PCDHGA5: variants seen among roughly 807,000 people sequenced by gnomAD.
PCDHGA5 encodes protocadherin gamma-A5.
In PCDHGA5, 36 loss-of-function variants were observed where a neutral mutation model predicts 56.7. That is an observed-to-expected ratio of 0.64 (90% CI 0.49 to 0.84). The LOEUF (loss-of-function observed/expected upper bound fraction) is 0.84, where lower values mean the gene tolerates loss of function less well. Among genes scored for constraint, PCDHGA5 ranks in the 40% least tolerant of loss-of-function variants. The pLI, the probability that PCDHGA5 is intolerant of heterozygous loss-of-function variation, is 0.00. For missense variants in PCDHGA5, 1,305 were observed against 1,201.5 expected (o/e 1.09, Z -1.27); for synonymous variants, 563 against 520.2 (o/e 1.08, Z -1.12).
rs1315121311 is a variant in PCDHGA5, at chr5:141,364,782, G to A, written c.452G>A (p.Arg151Gln). The change falls in exon 1 of 4, where the codon CGG (arginine) becomes CAG (glutamine). Residue 151 changes from arginine (R) to glutamine (Q), a missense_variant. Transcript: ENST00000518069. ...AATGAAAATGCGGCTGCAGGGACAC[G>A]GTTAGTGCTTCCCTTCGCGCGGGAT... ...KVNENAAAGT[R>Q]LVLPFARDAD... 1 of 1,613,884 alleles carries A rather than the reference G, an allele frequency of 6.2e-7. No individual in the cohort carries two copies. The highest frequency in any genetic ancestry group is 1.3e-5 in the African/African-American group (1 of 74,942).
At position 141,477,966 on chromosome 5, in the gene PCDHGA5, G is replaced by T; in HGVS notation, c.2422-16841G>T. 1 of 1,614,118 alleles carries T rather than the reference G, an allele frequency of 6.2e-7. No individual in the cohort carries two copies. The highest frequency in any genetic ancestry group is 8.5e-7 in the Non-Finnish European group (1 of 1,180,036). On this transcript the variant is annotated intron_variant, in intron 1 of 3. Coordinates refer to ENST00000518069, the MANE Select transcript of PCDHGA5 (RefSeq NM_018918.3). This position sits in a 1 kb window ranked among gnomAD's most constrained non-coding sequence, Gnocchi z 4.9. ...AGTCTCTTGGGATCCCCTAACCAGA[G>T]CCTTTTTGCCATAGGGCTGCACACT...
chr5:141,478,783 T>G (rs1435790850), intron 1 of PCDHGA5: 2 of 1,483,968 alleles, frequency 1.3e-6, no homozygotes, highest in Admixed American at 4.6e-5. Flanking sequence ...TGGACCTAAT[T>G]CACATCCTCA....
At position 141,511,393 on chromosome 5, in the gene PCDHGA5, C is replaced by G. The variant is rs1257680621; in HGVS notation, c.*220C>G. The G allele has an allele frequency of 2.8e-6, 3 of 1,067,816 alleles. No individual in the cohort carries two copies. The highest frequency in any genetic ancestry group is 3.9e-6 in the Non-Finnish European group (3 of 764,518). The allele number at this position is 1,067,816 out of a possible 1,614,324, so 66.1% of individuals were successfully genotyped here. A position where few individuals can be genotyped will look rare whatever the true frequency, so the allele number is the denominator to read the frequency against. On this transcript the variant is annotated 3_prime_UTR_variant, in exon 4 of 4. Coordinates refer to ENST00000518069, the MANE Select transcript of PCDHGA5 (RefSeq NM_018918.3). ...CAAAAGCAGTTCCGCTGGGAACCCC[C>G]ATCCAATCAACTGCTGTACCCATGG...
chr5:141,399,349 C>A (rs1467940246), intron 1 of PCDHGA5: 15 of 1,613,814 alleles, frequency 9.3e-6, no homozygotes, highest in African/African-American at 1.3e-5. Flanking sequence ...AACCCTAGAC[C>A]GAGAGCAAAC....
intron 1 of PCDHGA5, among the ~76,000 whole-genome samples, chr5:141,425,257 G>A (rs746250240): frequency 6.6e-6 from 1 of 152,152 alleles, no homozygotes; most frequent in Non-Finnish European, 1.5e-5. Context: ...TGAGGTATTT[G>A]GCTGGGAAAA....
chr5:141,366,265 C>A lies in PCDHGA5; in HGVS notation c.1935C>A (p.Ala645=). 6.2e-7 allele frequency: 1 copy of A among 1,613,684 alleles called. No individual in the cohort carries two copies. The highest frequency in any genetic ancestry group is 8.5e-7 in the Non-Finnish European group (1 of 1,180,018). ...CGCTCAAGCAGAGCCTCGTGGTGGC[C>A]GTCGAAGACCATGGCCAGCCCCCTC... ...RDALKQSLVV[A]VEDHGQPPLS... The change falls in exon 1 of 4, where the codon GCC becomes GCA. Residue 645 remains alanine (A), a synonymous_variant. Coordinates refer to ENST00000518069, the MANE Select transcript of PCDHGA5 (RefSeq NM_018918.3).
intron 1 of PCDHGA5, chr5:141,423,700 G>A (rs753612385): frequency 7.5e-7 from 1 of 1,324,816 alleles, no homozygotes; most frequent in Non-Finnish European, 9.8e-7. Context: ...TTGGTGTCTT[G>A]GCACAAGTCT....
chr5:141,444,524 A>G (rs563709940), intron 1 of PCDHGA5, among the ~76,000 whole-genome samples: 47 of 152,224 alleles, frequency 3.1e-4, no homozygotes, highest in African/African-American at 1.1e-3. Context: ...AGTAGGTGAG[A>G]CAGTGACTGT....
chr5:141,488,711 A>G (rs184498001), intron 1 of PCDHGA5, among the ~76,000 whole-genome samples: 100 of 152,290 alleles, frequency 6.6e-4, no homozygotes, highest in Non-Finnish European at 1.2e-3. Context: ...TGCTGGTTCA[A>G]GCAAAGTGGT....
intron 1 of PCDHGA5, chr5:141,394,162 C>T: frequency 6.2e-7 from 1 of 1,613,904 alleles, no homozygotes; most frequent in Non-Finnish European, 8.5e-7. Context: ...GACAACCCTC[C>T]TACTTTCCCT....
At chr5:141,402,971 T>C in intron 1 of PCDHGA5, 2 of 1,608,370 alleles carry the variant, frequency 1.2e-6, no homozygotes. Flanking sequence ...TCCAACCAAA[T>C]GCCAGCTCCG....
intron 1 of PCDHGA5, chr5:141,408,696 A>G (rs768439069): frequency 6.2e-7 from 1 of 1,613,648 alleles, no homozygotes; most frequent in East Asian, 2.2e-5. Context: ...ATAAACATAA[A>G]CTCAATTAAA....
In PCDHGA5 at chr5:141,366,104, G is replaced by A; in HGVS notation, c.1774G>A (p.Val592Ile). 2 of 1,614,250 alleles carry A rather than the reference G, an allele frequency of 1.2e-6. No homozygotes were observed. The highest frequency in any genetic ancestry group is 1.7e-6 in the Non-Finnish European group (2 of 1,180,054). ...AEPGYLVTKV[V>I]AVDKDSGQNA... ...ACCTGGCTACCTGGTGACCAAGGTG[G>A]TAGCGGTGGACAAAGATTCAGGCCA... Residue 592 changes from valine (V) to isoleucine (I), a missense_variant, in exon 1 of 4, where the codon GTA (valine) becomes ATA (isoleucine). Coordinates refer to ENST00000518069, the MANE Select transcript of PCDHGA5 (RefSeq NM_018918.3).
At chr5:141,421,587 G>T (rs758433133) in intron 1 of PCDHGA5, 6 of 1,613,900 alleles carry the variant, frequency 3.7e-6, no homozygotes, top group Non-Finnish European at 4.2e-6. Flanking sequence ...TTTACGGAGT[G>T]GAGGTGGAAA....
intron 1 of PCDHGA5, chr5:141,396,416 C>T (rs1336875388): frequency 6.6e-6 from 1 of 152,140 alleles, no homozygotes; most frequent in Non-Finnish European, 1.5e-5. Flanking sequence ...GTCAGGAGTT[C>T]AAGATCAGCC....
At chr5:141,403,732 G>A (rs1472288445) in intron 1 of PCDHGA5, 2 of 1,613,932 alleles carry the variant, frequency 1.2e-6, no homozygotes, top group Non-Finnish European at 1.7e-6. Context: ...CAGGCACCTG[G>A]CTGCTTACTG....
chr5:141,489,915 C>T lies in PCDHGA5; in HGVS notation c.2422-4892C>T, dbSNP rs971312502. On this transcript the variant is annotated intron_variant, in intron 1 of 3. Coordinates refer to ENST00000518069, the MANE Select transcript of PCDHGA5 (RefSeq NM_018918.3). This position sits in a 1 kb window ranked among gnomAD's most constrained non-coding sequence, Gnocchi z 4.5. ...GGGGGACCCCAGCCCGCTCAGGGAC[C>T]ACCCTTATCTCTGTCATCGTGCTGG... The T allele has an allele frequency of 6.2e-7, 1 of 1,614,242 alleles. No individual in the cohort carries two copies. Among genetic ancestry groups the T allele is most frequent in the Non-Finnish European group, 8.5e-7 (1 of 1,180,044 alleles).
intron 1 of PCDHGA5, chr5:141,441,940 G>T (rs2098285664): frequency 5.9e-6 from 2 of 341,298 alleles, no homozygotes; most frequent in Non-Finnish European, 1.1e-5. Flanking sequence ...GTCCTACCAC[G>T]TGCTGCAGGC....
At chr5:141,395,009 G>A (rs371216255) in intron 1 of PCDHGA5, 168 of 1,613,918 alleles carry the variant, frequency 1.0e-4, no homozygotes, top group Non-Finnish European at 1.4e-4. Flanking sequence ...GTGGCAGATT[G>A]GTAGGCGTGC....
Sources: gnomAD v4.1 joint callset for allele counts (sites outside exome capture counted in the v4.1 genomes callset) on GRCh38, gnomAD v4.1.1 for gene constraint, Gnocchi (gnomAD v3.1) non-coding constraint, MANE v1.5 for transcripts, NCBI Gene and HGNC (gene_info 2026-07-23, HGNC 2026-07-21) for gene names.